AGXT2: variants seen among roughly 807,000 people sequenced by gnomAD.
The protein encoded by AGXT2 is alanine--glyoxylate aminotransferase 2, mitochondrial.
Under a neutral mutation model 62.5 loss-of-function variants are expected in AGXT2, and 61 were observed. That is an observed-to-expected ratio of 0.98 (90% CI 0.79 to 1.21). The LOEUF (loss-of-function observed/expected upper bound fraction) is 1.21. Ranked by LOEUF, AGXT2 falls within the 50% of genes most tolerant of loss-of-function variation. The pLI, the probability that AGXT2 is intolerant of heterozygous loss-of-function variation, is 0.00. For missense variants in AGXT2, 666 were observed against 641.5 expected, an observed-to-expected ratio of 1.04 and a Z score of -0.41; for synonymous variants, 243 against 218.7, an observed-to-expected ratio of 1.11 and a Z score of -0.98.
chr5:35,021,144 C>G (rs910547877), intron 9 of AGXT2, among the ~76,000 whole-genome samples: 5 of 152,204 alleles, frequency 3.3e-5, no homozygotes, highest in African/African-American at 1.2e-4. Flanking sequence ...AATGGCCACA[C>G]TGCCCAAGGT....
chr5:34,999,163 C>G (rs75779801), intron 13 of AGXT2, among the ~76,000 whole-genome samples: 1 of 152,192 alleles, frequency 6.6e-6, no homozygotes. Flanking sequence ...AGCAAACTCA[C>G]TTCTCACTGC....
At chr5:34,999,477 C>T (rs553802319) in intron 13 of AGXT2, among the ~76,000 whole-genome samples, 160 of 152,188 alleles carry the variant, frequency 1.1e-3, no homozygotes, top group Non-Finnish European at 4.7e-4. Context: ...ACACCACAGC[C>T]AATCCCAGCG....
In AGXT2 at chr5:35,033,531, G is replaced by T. The variant is rs1176818081; in HGVS notation, c.604C>A (p.Pro202Thr). The stretch of plus-strand genomic sequence containing the variant: ...ACGTTTGTCAAGCCAAGTGTGTAAG[G>T]ACTGCATCCATGGTAGGCTCCTCTG... The part of the protein sequence containing the change: ...SFRGAYHGCS[P>T]YTLGLTNVGT... Residue 202 changes from proline to threonine, a missense_variant, in exon 6 of 14, where the codon CCT becomes ACT. Physicochemically the swap from Pro to Thr is conservative, Grantham distance 38. Coordinates refer to ENST00000231420, the MANE Select transcript of AGXT2 (RefSeq NM_031900.4). 17 of 1,613,680 alleles carry T rather than the reference G, an allele frequency of 1.1e-5. No homozygotes were observed. In the Admixed American group the frequency reaches 2.8e-4, roughly 27 times the overall value.
rs1309959062 is a variant in AGXT2, at chr5:35,021,328, C to T, written c.963+4435G>A. Among the ~76,000 whole-genome samples, 413 of 151,998 alleles carry T rather than the reference C, an allele frequency of 2.7e-3. 1 individual carries two copies. The highest frequency in any genetic ancestry group is 4.6e-3 in the Non-Finnish European group (311 of 67,952). Reference sequence around the variant, plus strand: ...CACTACCTGACTTCAAACTATACTACAAGGCTACAGTAACCAAAACAGCAT... The same window carrying T: ...CACTACCTGACTTCAAACTATACTATAAGGCTACAGTAACCAAAACAGCAT... On this transcript the variant is annotated intron_variant, in intron 9 of 13. Transcript: ENST00000231420.
At chr5:35,036,739 CCTT>C (rs1212191050) in intron 4 of AGXT2, among the ~76,000 whole-genome samples, 200 bp downstream of exon 4, 5 of 152,124 alleles carry the variant, frequency 3.3e-5, no homozygotes, top group Non-Finnish European at 5.9e-5. Flanking sequence ...TCATAAATTC[CCTT>C]CTTCTGTCTG....
intron 7 of AGXT2, among the ~76,000 whole-genome samples, chr5:35,030,085 C>A (rs933117102): frequency 8.5e-5 from 13 of 152,184 alleles, no homozygotes; most frequent in Admixed American, 6.5e-5. Context: ...TATGAATATT[C>A]CAGTTTTACA....
intron 9 of AGXT2, among the ~76,000 whole-genome samples, chr5:35,024,786 C>T (rs1298173490): frequency 6.6e-5 from 10 of 151,640 alleles, no homozygotes; most frequent in African/African-American, 2.2e-4. Flanking sequence ...CTGACCAACA[C>T]GGAGAAACCC....
intron 1 of AGXT2, among the ~76,000 whole-genome samples, chr5:35,046,797 G>A (rs1043053489): frequency 2.0e-5 from 3 of 152,116 alleles, no homozygotes; most frequent in South Asian, 2.1e-4. Context: ...ACCTGTTTAC[G>A]GCCCGTGAAG....
rs572826520 is a variant in AGXT2 at position 35,026,465 on chromosome 5, G to A, written c.815C>T (p.Thr272Met). 8 of 1,613,688 alleles carry A rather than the reference G, an allele frequency of 5.0e-6. No individual in the cohort carries two copies. Among genetic ancestry groups the A allele is most frequent in the South Asian group, 2.2e-5 (2 of 91,080 alleles). The change falls in exon 8 of 14, where the codon ACG becomes ATG. Residue 272 changes from threonine (T) to methionine (M), a missense_variant. Coordinates refer to ENST00000231420, the MANE Select transcript of AGXT2 (RefSeq NM_031900.4). Reference sequence around the variant, plus strand: ...TGACTTGGCCACAGATGTGCTCAGCGTATCTTTGAATTGCTCAATATACTG... The same window carrying A: ...TGACTTGGCCACAGATGTGCTCAGCATATCTTTGAATTGCTCAATATACTG... Reference protein sequence around the residue: ...KDQYIEQFKDTLSTSVAKSIA... With the variant: ...KDQYIEQFKDMLSTSVAKSIA...
chr5:35,026,583 G>C (rs1767360926), intron 7 of AGXT2, 73 bp from the exon 8 acceptor site: 2 of 1,313,068 alleles, frequency 1.5e-6, no homozygotes, highest in East Asian at 4.7e-5. Flanking sequence ...TAGAAACATG[G>C]GGAAAAACAG....
rs749082205 is a variant in AGXT2 at position 35,014,013 on chromosome 5, G to A, written c.1070C>T (p.Pro357Leu). The A allele has an allele frequency of 3.1e-6, 5 of 1,614,090 alleles. No individual in the cohort carries two copies. Among genetic ancestry groups the A allele is most frequent in the Non-Finnish European group, 4.2e-6 (5 of 1,180,006 alleles). Residue 357 changes from proline to leucine, a missense_variant, in exon 10 of 14, where the codon CCC becomes CTC. Pro to Leu is a moderately conservative substitution (Grantham distance 98, BLOSUM62 -3). Transcript: ENST00000231420. Reference protein sequence around the residue: ...TMAKGIGNGFPMAAVITTPEI... With the variant: ...TMAKGIGNGFLMAAVITTPEI... Reference sequence around the variant, plus strand: ...TGGAGTGGTTATGACTGCTGCCATGGGAAAGCCATTCCCAATCCCTTTAGC... The same window carrying A: ...TGGAGTGGTTATGACTGCTGCCATGAGAAAGCCATTCCCAATCCCTTTAGC...
At chr5:35,012,780 G>A (rs1229555721) in intron 11 of AGXT2, 174 bp downstream of exon 11, 2 of 678,684 alleles carry the variant, frequency 2.9e-6, no homozygotes, top group Non-Finnish European at 5.3e-6. Flanking sequence ...CCCAAAGTAG[G>A]TCTTTAAAAA....
chr5:35,018,522 C>T (rs1766938567), intron 9 of AGXT2, among the ~76,000 whole-genome samples: 2 of 151,932 alleles, frequency 1.3e-5, no homozygotes, highest in South Asian at 4.2e-4. Flanking sequence ...CAAGCAAATG[C>T]TGAGAGATTT....
At position 35,010,113 on chromosome 5, in the gene AGXT2, C is replaced by T. The variant is rs764792216; in HGVS notation, c.1225G>A (p.Glu409Lys). The T allele has an allele frequency of 3.1e-6, 5 of 1,614,080 alleles. No individual in the cohort carries two copies. The highest frequency in any genetic ancestry group is 4.2e-6 in the Non-Finnish European group (5 of 1,180,040). The change falls in exon 12 of 14, where the codon GAA (glutamate) becomes AAA (lysine). Residue 409 changes from glutamate to lysine, a missense_variant. Physicochemically the swap from Glu to Lys is moderately conservative, Grantham distance 56. Coordinates refer to ENST00000231420, the MANE Select transcript of AGXT2 (RefSeq NM_031900.4). ...TTTAGTAACATGTAGGTCCCAACTT[C>T]TTGACTGTTTTCCTGTAGATTTTCT... is the stretch of plus-strand genomic sequence containing the variant. Reference protein sequence around the residue: ...KEENLQENSQEVGTYMLLKFA... With the variant: ...KEENLQENSQKVGTYMLLKFA...
chr5:35,025,802 C>A lies in AGXT2; in HGVS notation c.924G>T (p.Glu308Asp). Residue 308 changes from glutamate to aspartate, a missense_variant, in exon 9 of 14, where the codon GAG becomes GAT. Coordinates refer to ENST00000231420, the MANE Select transcript of AGXT2 (RefSeq NM_031900.4). ...ACACGCCTCCCCTTGCTCGCACCAG[C>A]TCAAAGGCTTCCTTTAGAAACCCCT... ...YPKGFLKEAF[E>D]LVRARGGVCI... 6.2e-7 allele frequency: 1 copy of A among 1,614,176 alleles called. No individual in the cohort carries two copies. Among genetic ancestry groups the A allele is most frequent in the Non-Finnish European group, 8.5e-7 (1 of 1,180,016 alleles).
chr5:35,030,738 G>T (rs1230485027), intron 7 of AGXT2, among the ~76,000 whole-genome samples: 1 of 152,276 alleles, frequency 6.6e-6, no homozygotes, highest in Admixed American at 6.5e-5. Context: ...AGCAGGAAAA[G>T]AAGGAAATGA....
rs1203464532 is a variant in AGXT2, at chr5:35,003,807, T to C, written c.1393A>G (p.Lys465Glu). Residue 465 changes from lysine to glutamate, a missense_variant, in exon 13 of 14, where the codon AAG becomes GAG. Transcript: ENST00000231420. ...EEVNQIHEDC[K>E]HMGLLVGRGS... ...CTGCCAACGAGGAGTCCCATGTGCT[T>C]GCAGTCCTCATGGATCTGATTTACT... 2.5e-6 allele frequency: 4 copies of C among 1,614,214 alleles called. No individual in the cohort carries two copies. Among genetic ancestry groups the C allele is most frequent in the Non-Finnish European group, 2.5e-6 (3 of 1,180,028 alleles).
chr5:35,004,331 A>G (rs976419294), intron 12 of AGXT2, among the ~76,000 whole-genome samples: 1 of 152,222 alleles, frequency 6.6e-6, no homozygotes. Context: ...TGGGCAGCGC[A>G]GTGGGACAGC....
chr5:35,042,583 T>C (rs1292031439), intron 1 of AGXT2, among the ~76,000 whole-genome samples: 1 of 152,160 alleles, frequency 6.6e-6, no homozygotes, highest in Non-Finnish European at 1.5e-5. Flanking sequence ...TTTTATTATT[T>C]GCCAGAAAAA....
Sources: allele counts gnomAD v4.1 joint callset (sites outside exome capture counted in the v4.1 genomes callset), GRCh38; gene constraint gnomAD v4.1.1; transcripts MANE v1.5; gene names NCBI Gene and HGNC (gene_info 2026-07-23, HGNC 2026-07-21).